Variants in GNAQ observed in about 807,000 individuals in gnomAD.
GNAQ encodes the protein G protein subunit alpha q, also known as guanine nucleotide-binding protein G(q) subunit alpha.
Under a neutral mutation model 43.9 loss-of-function variants are expected in GNAQ, and 8 were observed. That is an observed-to-expected ratio of 0.18 (90% CI 0.11 to 0.33). The LOEUF (loss-of-function observed/expected upper bound fraction) is 0.33, where lower values mean the gene tolerates loss of function less well. Among genes scored for constraint, GNAQ ranks in the 10% least tolerant of loss-of-function variants. The pLI is 1.00. For synonymous variants in GNAQ, 155 were observed against 170.7 expected, an observed-to-expected ratio of 0.91 and a Z score of 0.71; for missense variants, 158 against 450.8, an observed-to-expected ratio of 0.35 and a Z score of 5.88.
chr9:77,762,159 C>T (rs1327556236), intron 5 of GNAQ, among the ~76,000 whole-genome samples: 22 of 135,098 alleles, frequency 1.6e-4, no homozygotes, highest in South Asian at 4.8e-4. Context: ...CCGCCCCGTC[C>T]GGGAGGTGAG....
chr9:77,736,346 G>A (rs190334148), intron 5 of GNAQ, among the ~76,000 whole-genome samples: 69 of 152,234 alleles, frequency 4.5e-4, no homozygotes, highest in African/African-American at 1.5e-3. Context: ...TTAAAGACAG[G>A]TTCCTAGCCA....
Position 78,031,094 on chromosome 9 carries a change from A to G in GNAQ, c.136+6T>C. ...GAGGCCCGGCGGGGCCCCGGACGGT[A>G]CTCACCGAGCAGCAGCAGCTTGAGC... On this transcript the variant is annotated splice_donor_region_variant and intron_variant, in intron 1 of 6. Coordinates refer to ENST00000286548, the MANE Select transcript of GNAQ (RefSeq NM_002072.5). 6.6e-7 allele frequency: 1 copy of G among 1,508,726 alleles called. No homozygotes were observed. The highest frequency in any genetic ancestry group is 1.4e-5 in the African/African-American group (1 of 69,114). The allele number at this position is 1,508,726 out of a possible 1,614,324, so 93.5% of individuals were successfully genotyped here.
In GNAQ at chr9:77,833,342, C is replaced by T. The variant is rs1180008071; in HGVS notation, c.322-17572G>A. On this transcript the variant is annotated intron_variant, in intron 2 of 6. Coordinates refer to ENST00000286548, the MANE Select transcript of GNAQ (RefSeq NM_002072.5). Reference sequence around the variant, plus strand: ...GGTAGTAGCACCTCTCTCCCTTGGGCAGTCGAATTCCCTAAAGGGACTCCC... The same window carrying T: ...GGTAGTAGCACCTCTCTCCCTTGGGTAGTCGAATTCCCTAAAGGGACTCCC... Among the ~76,000 whole-genome samples, 8 of 152,338 alleles carry T rather than the reference C, an allele frequency of 5.3e-5. No individual in the cohort carries two copies. In the East Asian group the frequency reaches 1.3e-3, roughly 26 times the overall value.
chr9:77,726,136 G>C (rs1325713809), intron 6 of GNAQ, among the ~76,000 whole-genome samples: 1 of 152,192 alleles, frequency 6.6e-6, no homozygotes, highest in Non-Finnish European at 1.5e-5. Context: ...TACCCACACA[G>C]TCACTTCCTT....
chr9:77,991,064 A>G (rs1823501189), intron 1 of GNAQ, among the ~76,000 whole-genome samples: 1 of 152,264 alleles, frequency 6.6e-6, no homozygotes, highest in African/African-American at 2.4e-5. Flanking sequence ...GCTTTCAAGT[A>G]TGCATGACAG....
chr9:77,993,280 AATAT>A, intron 1 of GNAQ, among the ~76,000 whole-genome samples: 1 of 151,898 alleles, frequency 6.6e-6, no homozygotes, highest in African/African-American at 2.4e-5. Context: ...GTTGATATAT[AATAT>A]ATATAGACTA....
Position 77,990,017 on chromosome 9 carries a change from T to A in GNAQ, c.136+41083A>T, listed in dbSNP as rs111898408. 2.0e-3 allele frequency among the ~76,000 whole-genome samples: 310 copies of A among 152,272 alleles called. 1 individual carries two copies. Among genetic ancestry groups the A allele is most frequent in the Non-Finnish European group, 3.2e-3 (218 of 68,014 alleles). On this transcript the variant is annotated intron_variant, in intron 1 of 6. Transcript: ENST00000286548. ...AGATTTCCAAAAACTAGTGTCTTCA[T>A]TTTTATTAAACTTACATCTACTCTG...
At chr9:77,782,394 A>T (rs927843568) in intron 5 of GNAQ, among the ~76,000 whole-genome samples, 3 of 152,220 alleles carry the variant, frequency 2.0e-5, no homozygotes, top group African/African-American at 7.2e-5. Flanking sequence ...ATATAAAAAG[A>T]TGTTCTGTAT....
intron 3 of GNAQ, 107 bp downstream of exon 3, chr9:77,815,509 A>T (rs1262627945): frequency 3.1e-6 from 2 of 652,404 alleles, no homozygotes; most frequent in African/African-American, 3.7e-5. Flanking sequence ...TAAAGTTTTA[A>T]TCATATATGA....
intron 1 of GNAQ, among the ~76,000 whole-genome samples, chr9:77,948,339 G>A (rs1401300625): frequency 6.6e-6 from 1 of 152,180 alleles, no homozygotes. Flanking sequence ...GAACCTCACT[G>A]GACTGCAGGC....
chr9:77,929,194 C>T (rs1488033321), intron 1 of GNAQ, among the ~76,000 whole-genome samples: 2 of 152,044 alleles, frequency 1.3e-5, no homozygotes, highest in South Asian at 2.1e-4. Flanking sequence ...CTATTCTTTC[C>T]CCTAAGAGTA....
chr9:78,013,536 A>C (rs1823800712), intron 1 of GNAQ, among the ~76,000 whole-genome samples: 1 of 152,016 alleles, frequency 6.6e-6, no homozygotes, highest in Non-Finnish European at 1.5e-5. Flanking sequence ...ATTTCTAACA[A>C]GACTTTTATC....
At chr9:78,031,006 C>G in intron 1 of GNAQ, 94 bp downstream of exon 1, 1 of 953,594 alleles carries the variant, frequency 1.0e-6, no homozygotes. Context: ...CCGCGGGCGC[C>G]GGGGGGCGGG....
At chr9:77,942,091 T>C (rs1829323919) in intron 1 of GNAQ, among the ~76,000 whole-genome samples, 1 of 152,164 alleles carries the variant, frequency 6.6e-6, no homozygotes, top group Non-Finnish European at 1.5e-5. Flanking sequence ...AAATGGTATA[T>C]TTTGTAAAAA....
chr9:77,867,592 GAAGTA>G (rs1417945086), intron 2 of GNAQ, among the ~76,000 whole-genome samples: 2 of 152,186 alleles, frequency 1.3e-5, no homozygotes, highest in African/African-American at 4.8e-5. Flanking sequence ...GTGTGTGAAT[GAAGTA>G]AAGTCAAGCA....
intron 1 of GNAQ, among the ~76,000 whole-genome samples, chr9:77,935,538 G>A (rs567487388): frequency 2.0e-5 from 3 of 152,154 alleles, no homozygotes; most frequent in Admixed American, 6.5e-5. Context: ...AGAGAACTTC[G>A]AAGATAGGTA....
intron 1 of GNAQ, among the ~76,000 whole-genome samples, chr9:77,965,342 C>G (rs371362546): frequency 3.1e-4 from 47 of 152,260 alleles, no homozygotes; most frequent in African/African-American, 1.1e-3. Flanking sequence ...GCCCATCATA[C>G]TCAGCTATCC....
chr9:77,812,891 T>A, intron 3 of GNAQ, among the ~76,000 whole-genome samples: 1 of 151,908 alleles, frequency 6.6e-6, no homozygotes, highest in South Asian at 2.1e-4. Flanking sequence ...TATATAAGAA[T>A]AATTTATTTT....
chr9:77,960,151 GA>G (rs1211520317), intron 1 of GNAQ, among the ~76,000 whole-genome samples: 3 of 152,032 alleles, frequency 2.0e-5, no homozygotes, highest in African/African-American at 7.2e-5. Flanking sequence ...ATGCTCACTG[GA>G]ATCATCCTGC....
Sources: gnomAD v4.1 joint callset for allele counts (sites outside exome capture counted in the v4.1 genomes callset) on GRCh38, gnomAD v4.1.1 for gene constraint, MANE v1.5 for transcripts, NCBI Gene and HGNC (gene_info 2026-07-23, HGNC 2026-07-21) for gene names.